Variants in NRG3 observed in about 807,000 individuals in gnomAD.
NRG3 encodes the protein neuregulin 3.
Under a neutral mutation model 66.9 loss-of-function variants are expected in NRG3, and 31 were observed. That is an observed-to-expected ratio of 0.46 (90% confidence interval 0.35 to 0.63). The LOEUF (loss-of-function observed/expected upper bound fraction) is 0.63. NRG3 is among the 20% of genes least tolerant of loss of function. NRG3 has a pLI of 0.00. For missense variants in NRG3, 910 were observed against 878.9 expected (o/e 1.04, Z -0.45); for synonymous variants, 393 against 359.4 (o/e 1.09, Z -1.06).
rs533170818 is a variant in NRG3, at chr10:82,807,048, T to C, written c.1028-58363T>C. ...ACATTGTTTGCTGCCAAGACCCTAA[T>C]TGGTTATTGGACATAAATGTCCTGG... is the stretch of plus-strand genomic sequence containing the variant. On this transcript the variant is annotated intron_variant, in intron 3 of 8. Coordinates refer to ENST00000372141, the MANE Select transcript of NRG3 (RefSeq NM_001010848.4). 4.0e-4 allele frequency among the ~76,000 whole-genome samples: 61 copies of C among 152,330 alleles called. No individual in the cohort carries two copies. The South Asian group carries it at 8.5e-3, about 21-fold the overall frequency.
At chr10:81,943,493 A>C (rs1183874629) in intron 1 of NRG3, among the ~76,000 whole-genome samples, 11 of 152,210 alleles carry the variant, frequency 7.2e-5, no homozygotes, top group African/African-American at 2.7e-4. Context: ...ATTTCCGACT[A>C]AAATGGCATT....
chr10:82,928,889 C>T (rs1847279496), intron 4 of NRG3, among the ~76,000 whole-genome samples: 1 of 152,144 alleles, frequency 6.6e-6, no homozygotes, highest in Non-Finnish European at 1.5e-5. Context: ...ATCTGTGTTC[C>T]TTTGTTGCCT....
intron 2 of NRG3, among the ~76,000 whole-genome samples, chr10:82,669,187 G>C (rs116565428): frequency 2.5e-4 from 38 of 151,622 alleles, no homozygotes; most frequent in African/African-American, 9.0e-4. Flanking sequence ...AGCAGTTAGG[G>C]AGTTTCAGTA....
At chr10:82,303,725 G>A (rs111568957) in intron 1 of NRG3, among the ~76,000 whole-genome samples, 2,965 of 151,934 alleles carry the variant, frequency 0.02, 100 homozygotes, top group African/African-American at 0.067. Flanking sequence ...AAAATTAGCC[G>A]GGCGTGGTGG....
At chr10:82,537,422 T>G (rs929445448) in intron 2 of NRG3, among the ~76,000 whole-genome samples, 7 of 152,240 alleles carry the variant, frequency 4.6e-5, no homozygotes, top group African/African-American at 1.4e-4. Context: ...GCACCTTTGT[T>G]TTTATTGAGT....
intron 1 of NRG3, among the ~76,000 whole-genome samples, chr10:81,945,203 G>A (rs1378706906): frequency 6.6e-6 from 1 of 151,982 alleles, no homozygotes; most frequent in Admixed American, 6.6e-5. Flanking sequence ...CCATGACTTG[G>A]TGTTAATTCC....
At chr10:82,953,968 A>AT (rs1404722542) in intron 5 of NRG3, among the ~76,000 whole-genome samples, 32 of 151,368 alleles carry the variant, frequency 2.1e-4, no homozygotes, top group Non-Finnish European at 4.4e-4. Context: ...AAAAAAAAAA[A>AT]AACAATGCAA....
intron 2 of NRG3, among the ~76,000 whole-genome samples, chr10:82,390,819 A>G (rs1041849743): frequency 6.6e-6 from 1 of 152,160 alleles, no homozygotes; most frequent in Middle Eastern, 3.2e-3. Flanking sequence ...TCAATAATGC[A>G]AGTGCATAGT....
In NRG3 at chr10:82,401,117, A is replaced by G. The variant is rs764879553; in HGVS notation, c.953+42249A>G. Among the ~76,000 whole-genome samples the G allele has an allele frequency of 3.9e-4, 60 of 152,150 alleles. 1 individual carries two copies. The highest frequency in any genetic ancestry group is 3.2e-3 in the Middle Eastern group (1 of 316). ...GGGCTTCCTGGAATGCAGAATATCT[A>G]TGAGTAATTCCAAATGGATAAATGA... On this transcript the variant is annotated intron_variant, in intron 2 of 8. Coordinates refer to ENST00000372141, the MANE Select transcript of NRG3 (RefSeq NM_001010848.4).
chr10:82,342,511 G>A (rs1039127212), intron 1 of NRG3, among the ~76,000 whole-genome samples: 1 of 152,006 alleles, frequency 6.6e-6, no homozygotes, highest in Non-Finnish European at 1.5e-5. Context: ...GCATTTATCT[G>A]ATGATTAATG....
intron 2 of NRG3, among the ~76,000 whole-genome samples, chr10:82,463,228 G>A (rs2091605619): frequency 1.3e-5 from 2 of 152,280 alleles, no homozygotes; most frequent in East Asian, 3.9e-4. Flanking sequence ...CTTTCACATG[G>A]CAGATGAAAT....
intron 2 of NRG3, among the ~76,000 whole-genome samples, chr10:82,733,017 T>C (rs1315276787): frequency 6.6e-6 from 1 of 152,240 alleles, no homozygotes; most frequent in Non-Finnish European, 1.5e-5. Flanking sequence ...GTAAAGGCCA[T>C]TTTTTTTCCC....
At chr10:82,131,464 G>T (rs373627782) in intron 1 of NRG3, among the ~76,000 whole-genome samples, 1 of 152,116 alleles carries the variant, frequency 6.6e-6, no homozygotes, top group Admixed American at 6.6e-5. Context: ...TTGAGGTCAA[G>T]TAATGTGATT....
intron 2 of NRG3, among the ~76,000 whole-genome samples, chr10:82,545,336 A>G (rs1023601199): frequency 2.6e-5 from 4 of 151,934 alleles, no homozygotes; most frequent in African/African-American, 4.8e-5. Context: ...AGGATATTGT[A>G]AATCTCCCTT....
chr10:82,888,378 G>A (rs1196649825), intron 4 of NRG3, among the ~76,000 whole-genome samples: 1 of 152,156 alleles, frequency 6.6e-6, no homozygotes, highest in Non-Finnish European at 1.5e-5. Context: ...TAAAGCATTT[G>A]TTTTAAAATT....
At chr10:82,870,873 C>G (rs1733649416) in intron 4 of NRG3, among the ~76,000 whole-genome samples, 1 of 152,066 alleles carries the variant, frequency 6.6e-6, no homozygotes, top group South Asian at 2.1e-4. Flanking sequence ...TGCGGCTTTT[C>G]CCTTTATTCT....
At chr10:82,171,529 G>A (rs2072608685) in intron 1 of NRG3, among the ~76,000 whole-genome samples, 1 of 152,130 alleles carries the variant, frequency 6.6e-6, no homozygotes, top group African/African-American at 2.4e-5. Context: ...TAAGGACCTG[G>A]AAGCAAGATG....
intron 1 of NRG3, among the ~76,000 whole-genome samples, chr10:82,017,442 G>A (rs1489171757): frequency 8.5e-5 from 13 of 152,076 alleles, no homozygotes; most frequent in Admixed American, 6.6e-5. Flanking sequence ...ATAGTCCTTT[G>A]GGTATATACC....
intron 1 of NRG3, among the ~76,000 whole-genome samples, chr10:82,088,162 A>T (rs1248739395): frequency 6.6e-6 from 1 of 152,102 alleles, no homozygotes; most frequent in African/African-American, 2.4e-5. Context: ...TATATGGGTC[A>T]ATTGATTTCT....
Sources: allele counts gnomAD v4.1 joint callset (sites outside exome capture counted in the v4.1 genomes callset), GRCh38; gene constraint gnomAD v4.1.1; transcripts MANE v1.5; gene names NCBI Gene and HGNC (gene_info 2026-07-23, HGNC 2026-07-21).